CBLN2: variants seen among roughly 807,000 people sequenced by gnomAD.
CBLN2 encodes cerebellin 2 precursor, also known as cerebellin-2.
In CBLN2, 7 loss-of-function variants were observed where a neutral mutation model predicts 15.0. That is an observed-to-expected ratio of 0.47 (90% CI 0.27 to 0.88). The LOEUF (loss-of-function observed/expected upper bound fraction) is 0.88. Among genes scored for constraint, CBLN2 ranks in the 40% least tolerant of loss-of-function variants. The pLI, the probability that CBLN2 is intolerant of heterozygous loss-of-function variation, is 0.14. For synonymous variants in CBLN2, 149 were observed against 135.2 expected (o/e 1.10, Z -0.71); for missense variants, 242 against 304.5 (o/e 0.79, Z 1.53).
chr18:72,593,516 G>C (rs2144933212), intron 1 of CBLN2, among the ~76,000 whole-genome samples: 1 of 152,242 alleles, frequency 6.6e-6, no homozygotes, highest in Admixed American at 6.5e-5. Context: ...TCTCTTGTGT[G>C]ATTGCTGTAG....
At chr18:72,627,964 G>A (rs755357830) in intron 1 of CBLN2, among the ~76,000 whole-genome samples, 1 of 152,196 alleles carries the variant, frequency 6.6e-6, no homozygotes, top group Middle Eastern at 3.4e-3. Context: ...TATTTGCATG[G>A]CTCTAAAACT....
At chr18:72,607,492 G>A (rs2069590931) in intron 1 of CBLN2, among the ~76,000 whole-genome samples, 2 of 152,146 alleles carry the variant, frequency 1.3e-5, no homozygotes, top group Non-Finnish European at 2.9e-5. Context: ...TTGTATTCAA[G>A]CTGTTAAACA....
chr18:72,558,674 C>A (rs2069241358), intron 1 of CBLN2, among the ~76,000 whole-genome samples: 1 of 152,148 alleles, frequency 6.6e-6, no homozygotes, highest in Admixed American at 6.5e-5. Context: ...AGGGTCGACA[C>A]AAAATCACAG....
chr18:72,557,652 G>A (rs1366411899), intron 1 of CBLN2, among the ~76,000 whole-genome samples: 1 of 152,174 alleles, frequency 6.6e-6, no homozygotes, highest in Non-Finnish European at 1.5e-5. Context: ...ACTAATGCAG[G>A]AACAGAAAAC....
At chr18:72,572,277 A>G (rs2069337452) in intron 1 of CBLN2, among the ~76,000 whole-genome samples, 1 of 152,050 alleles carries the variant, frequency 6.6e-6, no homozygotes. Context: ...TTTTTTTTAC[A>G]AAAGAGTTTT....
chr18:72,587,046 G>T (rs12959590), intron 1 of CBLN2, among the ~76,000 whole-genome samples: 1 of 151,556 alleles, frequency 6.6e-6, no homozygotes, highest in African/African-American at 2.4e-5. Flanking sequence ...TCAAAATAGC[G>T]TATCATCAAC....
chr18:72,603,137 C>A (rs923408862), intron 1 of CBLN2, among the ~76,000 whole-genome samples: 1 of 152,270 alleles, frequency 6.6e-6, no homozygotes, highest in African/African-American at 2.4e-5. Flanking sequence ...AGTTCCATTT[C>A]TTTCCTCTGT....
chr18:72,538,959 A>G, intron 3 of CBLN2, 187 bp from the exon 4 acceptor site: 1 of 575,978 alleles, frequency 1.7e-6, no homozygotes, highest in Non-Finnish European at 3.0e-6. Flanking sequence ...TATAGCAGGA[A>G]GTAATCTCAA....
At chr18:72,615,187 TATATAA>T (rs1218071104) in intron 1 of CBLN2, among the ~76,000 whole-genome samples, 15 of 135,652 alleles carry the variant, frequency 1.1e-4, no homozygotes, top group African/African-American at 4.1e-4. Context: ...TTATATATTA[TATATAA>T]ATATATATTT....
chr18:72,603,202 A>G (rs889126256), intron 1 of CBLN2, among the ~76,000 whole-genome samples: 1 of 152,228 alleles, frequency 6.6e-6, no homozygotes, highest in African/African-American at 2.4e-5. Flanking sequence ...CATCTTTTAC[A>G]ACGTGTATTT....
chr18:72,582,426 G>T (rs1458252786), intron 1 of CBLN2, among the ~76,000 whole-genome samples: 1 of 152,096 alleles, frequency 6.6e-6, no homozygotes, highest in Non-Finnish European at 1.5e-5. Flanking sequence ...ATACTCTAAG[G>T]CTTGTTCTTT....
intron 3 of CBLN2, chr18:72,539,118 G>C: frequency 4.7e-6 from 1 of 214,480 alleles, no homozygotes; most frequent in Non-Finnish European, 9.6e-6. Context: ...ATCCTAAATT[G>C]AGTCCAGGGA....
rs78850020 is a variant in CBLN2 at position 72,589,789 on chromosome 18, T to G, written c.15+48536A>C. On this transcript the variant is annotated intron_variant, in intron 1 of 2. Coordinates refer to the CBLN2 transcript ENST00000581073. The stretch of plus-strand genomic sequence containing the variant: ...AAGGCTATTGTGGGACCTGCCACAG[T>G]GAGGGCCACAGGTGATCTGAGATCA... Among the ~76,000 whole-genome samples the G allele has an allele frequency of 8.0e-3, 1,216 of 152,248 alleles. 18 individuals are homozygous for G. The highest frequency in any genetic ancestry group is 0.034 in the East Asian group (175 of 5,166).
chr18:72,618,608 A>G, intron 1 of CBLN2: 1 of 960,644 alleles, frequency 1.0e-6, no homozygotes, highest in Non-Finnish European at 1.6e-6. Context: ...ATTAAAGAAG[A>G]CACTGAAGAA....
upstream of CBLN2, among the ~76,000 whole-genome samples, chr18:72,546,163 C>T (rs1044524358): frequency 2.0e-5 from 3 of 152,180 alleles, no homozygotes; most frequent in Admixed American, 2.0e-4. Flanking sequence ...GTCGGCCGGG[C>T]GCGGTGGTTC....
At chr18:72,607,678 CCTCTCTCTCTCTCTCTTTCTCTCTTT>C (rs2069592124) in intron 1 of CBLN2, among the ~76,000 whole-genome samples, 1 of 149,590 alleles carries the variant, frequency 6.7e-6, no homozygotes, top group African/African-American at 2.5e-5. Context: ...TATGTAGATA[CCTCTCTCTCTCTCTCTTTCTCTCTTT>C]CTCTCTCTCT....
intron 1 of CBLN2, among the ~76,000 whole-genome samples, chr18:72,550,171 G>C (rs911068927): frequency 6.6e-6 from 1 of 152,174 alleles, no homozygotes; most frequent in African/African-American, 2.4e-5. Context: ...GAGAAACAAA[G>C]TTCATCCCTT....
At chr18:72,582,736 A>G (rs1174333955) in intron 1 of CBLN2, among the ~76,000 whole-genome samples, 2 of 152,164 alleles carry the variant, frequency 1.3e-5, no homozygotes, top group Non-Finnish European at 2.9e-5. Context: ...ATATACTTAA[A>G]CAGATTGGAA....
chr18:72,576,009 T>C (rs942473757), intron 1 of CBLN2, among the ~76,000 whole-genome samples: 1 of 152,206 alleles, frequency 6.6e-6, no homozygotes, highest in Non-Finnish European at 1.5e-5. Flanking sequence ...CTATTAGTTA[T>C]GTTATTCATT....
Sources: gnomAD v4.1 joint callset for allele counts (sites outside exome capture counted in the v4.1 genomes callset) on GRCh38, gnomAD v4.1.1 for gene constraint, MANE v1.5 for transcripts, NCBI Gene and HGNC (gene_info 2026-07-23, HGNC 2026-07-21) for gene names.